NR3C2: variants seen among roughly 807,000 people sequenced by gnomAD.
The protein encoded by NR3C2 is mineralocorticoid receptor.
In NR3C2, 15 loss-of-function variants were observed where a neutral mutation model predicts 86.4. That is an observed-to-expected ratio of 0.17 (90% CI 0.12 to 0.27). The LOEUF is 0.27. NR3C2 is among the 10% of genes least tolerant of loss of function. NR3C2 has a pLI of 1.00. For synonymous variants in NR3C2, 458 were observed against 450.5 expected (o/e 1.02, Z -0.21); for missense variants, 960 against 1,195.6 (o/e 0.80, Z 2.91).
chr4:148,196,116 G>A (rs1431522988), intron 3 of NR3C2, among the ~76,000 whole-genome samples: 3 of 152,214 alleles, frequency 2.0e-5, no homozygotes, highest in South Asian at 4.1e-4. Flanking sequence ...TGTGGTAGCA[G>A]TGGCAGTGGT....
At chr4:148,322,523 ACGT>A (rs1302512454) in intron 2 of NR3C2, among the ~76,000 whole-genome samples, 1 of 90,740 alleles carries the variant, frequency 1.1e-5, no homozygotes, top group East Asian at 3.3e-4. Flanking sequence ...CACCAATCAG[ACGT>A]AGATTTGGTC....
At chr4:148,419,838 T>C (rs1749192439) in intron 2 of NR3C2, among the ~76,000 whole-genome samples, 1 of 152,212 alleles carries the variant, frequency 6.6e-6, no homozygotes, top group South Asian at 2.1e-4. Context: ...TACCAGACAG[T>C]TCATTTCAAT....
chr4:148,267,676 G>A (rs1022759291), intron 2 of NR3C2, among the ~76,000 whole-genome samples: 1 of 152,004 alleles, frequency 6.6e-6, no homozygotes, highest in Non-Finnish European at 1.5e-5. Context: ...CAGTGTATAG[G>A]TTGGGAACAG....
intron 2 of NR3C2, among the ~76,000 whole-genome samples, chr4:148,364,920 C>A (rs1330640228): frequency 6.6e-6 from 1 of 151,230 alleles, no homozygotes; most frequent in Non-Finnish European, 1.5e-5. Flanking sequence ...ACACCTTATA[C>A]ACAGAGCCTG....
At chr4:148,273,822 A>T (rs1045569684) in intron 2 of NR3C2, among the ~76,000 whole-genome samples, 2 of 152,182 alleles carry the variant, frequency 1.3e-5, no homozygotes, top group Non-Finnish European at 2.9e-5. Context: ...TCCAAGTTGG[A>T]AGGGCTATCA....
intron 2 of NR3C2, among the ~76,000 whole-genome samples, chr4:148,316,430 C>A (rs943495751): frequency 6.6e-6 from 1 of 152,118 alleles, no homozygotes; most frequent in Admixed American, 6.5e-5. Context: ...CGAGAAGCCA[C>A]AACCCAGGTA....
At chr4:148,438,857 A>G (rs2126663856) in intron 1 of NR3C2, among the ~76,000 whole-genome samples, 1 of 152,354 alleles carries the variant, frequency 6.6e-6, no homozygotes, top group East Asian at 1.9e-4. Context: ...ATTTCACTAC[A>G]GTATCCCAAG....
intron 4 of NR3C2, 79 bp from the exon 5 acceptor site, chr4:148,154,980 T>C: frequency 1.7e-6 from 2 of 1,166,190 alleles, no homozygotes; most frequent in Non-Finnish European, 1.2e-6. Flanking sequence ...AAAGTACAGT[T>C]TTCCTCTAAA....
intron 2 of NR3C2, among the ~76,000 whole-genome samples, chr4:148,370,412 C>T (rs1253060877): frequency 6.6e-6 from 1 of 152,108 alleles, no homozygotes; most frequent in African/African-American, 2.4e-5. Context: ...TTGCTATTCA[C>T]TTTTATTTTG....
chr4:148,157,155 T>TG (rs1734434314), intron 4 of NR3C2, among the ~76,000 whole-genome samples: 1 of 74,384 alleles, frequency 1.3e-5, no homozygotes, highest in Middle Eastern at 0.013. Flanking sequence ...GGGACTGTTG[T>TG]GGGGTGGGGG....
intron 2 of NR3C2, among the ~76,000 whole-genome samples, chr4:148,279,759 C>T (rs1383514936): frequency 1.3e-5 from 2 of 152,054 alleles, no homozygotes; most frequent in South Asian, 2.1e-4. Context: ...CAGAGTTTCA[C>T]TTTTTGCCCA....
intron 3 of NR3C2, among the ~76,000 whole-genome samples, chr4:148,202,634 G>A (rs1039168591): frequency 3.0e-4 from 46 of 152,242 alleles, no homozygotes; most frequent in African/African-American, 1.1e-3. Context: ...TTCAGAATCC[G>A]GGTGGGAAAT....
chr4:148,279,643 T>C (rs1741136483), intron 2 of NR3C2, among the ~76,000 whole-genome samples: 1 of 152,236 alleles, frequency 6.6e-6, no homozygotes, highest in African/African-American at 2.4e-5. Flanking sequence ...TTATTATCCT[T>C]GAGGTAGGAT....
intron 1 of NR3C2, among the ~76,000 whole-genome samples, chr4:148,439,572 A>AC (rs1750234408): frequency 6.6e-6 from 1 of 151,148 alleles, no homozygotes; most frequent in African/African-American, 2.4e-5. Flanking sequence ...TCTGAAGGGG[A>AC]CCCCCACCCA....
At chr4:148,279,296 G>A (rs1358086999) in intron 2 of NR3C2, among the ~76,000 whole-genome samples, 1 of 152,170 alleles carries the variant, frequency 6.6e-6, no homozygotes, top group Admixed American at 6.5e-5. Context: ...AACATGTGGA[G>A]GAAAAATTGC....
At chr4:148,258,814 G>A (rs1460120189) in intron 3 of NR3C2, among the ~76,000 whole-genome samples, 1 of 152,188 alleles carries the variant, frequency 6.6e-6, no homozygotes, top group East Asian at 1.9e-4. Context: ...TCCAGTATGT[G>A]AGCCAATGAA....
intron 4 of NR3C2, among the ~76,000 whole-genome samples, chr4:148,167,704 C>T (rs1423486975): frequency 6.6e-6 from 1 of 152,176 alleles, no homozygotes; most frequent in African/African-American, 2.4e-5. Flanking sequence ...TAAGTAAATG[C>T]TTTGCTGACC....
At chr4:148,286,681 T>C (rs930001957) in intron 2 of NR3C2, among the ~76,000 whole-genome samples, 3 of 152,180 alleles carry the variant, frequency 2.0e-5, no homozygotes, top group Non-Finnish European at 4.4e-5. Context: ...GTTTTCTAAA[T>C]AGTCACAGCC....
At chr4:148,153,666 G>A (rs1406179303) in intron 5 of NR3C2, among the ~76,000 whole-genome samples, 1 of 152,102 alleles carries the variant, frequency 6.6e-6, no homozygotes, top group Non-Finnish European at 1.5e-5. Flanking sequence ...CAATGTAATG[G>A]CAATTTCTAA....
Sources: allele counts gnomAD v4.1 joint callset (sites outside exome capture counted in the v4.1 genomes callset), GRCh38; gene constraint gnomAD v4.1.1; transcripts MANE v1.5; gene names NCBI Gene and HGNC (gene_info 2026-07-23, HGNC 2026-07-21).